Variants in TMEM117 observed in about 807,000 individuals in gnomAD.
TMEM117 encodes transmembrane protein 117.
A neutral mutation model predicts 52.4 loss-of-function variants in TMEM117; 27 were observed. That is an observed-to-expected ratio of 0.51 (90% CI 0.38 to 0.71). The LOEUF is 0.71. Among genes scored for constraint, TMEM117 ranks in the 30% least tolerant of loss-of-function variants. The pLI is 0.00. For synonymous variants in TMEM117, 215 were observed against 206.3 expected, an observed-to-expected ratio of 1.04 and a Z score of -0.36; for missense variants, 556 against 630.5, an observed-to-expected ratio of 0.88 and a Z score of 1.26.
At chr12:44,356,208 A>G (rs569190203) in intron 6 of TMEM117, among the ~76,000 whole-genome samples, 1 of 152,214 alleles carries the variant, frequency 6.6e-6, no homozygotes, top group South Asian at 2.1e-4. Context: ...GAAAAATCTG[A>G]TATGATAAGA....
intron 4 of TMEM117, among the ~76,000 whole-genome samples, chr12:44,207,460 C>T (rs1477191046): frequency 6.6e-6 from 1 of 152,064 alleles, no homozygotes; most frequent in Non-Finnish European, 1.5e-5. Flanking sequence ...TTTATGAAGC[C>T]CTCTTAGACG....
At chr12:44,144,497 G>A (rs995662144) in intron 4 of TMEM117, among the ~76,000 whole-genome samples, 2 of 152,212 alleles carry the variant, frequency 1.3e-5, no homozygotes, top group East Asian at 3.9e-4. Flanking sequence ...GCATGGACAT[G>A]TCCCTGCAGA....
At chr12:44,311,805 GTATA>G (rs1410938648) in intron 6 of TMEM117, among the ~76,000 whole-genome samples, 1 of 99,374 alleles carries the variant, frequency 1.0e-5, no homozygotes, top group Non-Finnish European at 1.9e-5. Flanking sequence ...ATGTATATAT[GTATA>G]TATGTATATA....
intron 3 of TMEM117, among the ~76,000 whole-genome samples, chr12:44,056,970 C>T (rs1328945440): frequency 6.6e-6 from 1 of 152,156 alleles, no homozygotes; most frequent in Non-Finnish European, 1.5e-5. Flanking sequence ...GAGCTCTGAT[C>T]ACAGCAAGTC....
At chr12:44,303,526 C>G (rs1950868539) in intron 6 of TMEM117, among the ~76,000 whole-genome samples, 1 of 152,038 alleles carries the variant, frequency 6.6e-6, no homozygotes, top group Non-Finnish European at 1.5e-5. Context: ...TGTTGTATCA[C>G]ATTTTTCTGT....
At chr12:43,993,414 A>T (rs944345425) in intron 3 of TMEM117, among the ~76,000 whole-genome samples, 4 of 152,214 alleles carry the variant, frequency 2.6e-5, no homozygotes, top group African/African-American at 9.6e-5. Flanking sequence ...CCTCAGCTCA[A>T]TTCAAGGGAT....
At chr12:44,272,305 A>G (rs547353837) in intron 5 of TMEM117, among the ~76,000 whole-genome samples, 13 of 152,250 alleles carry the variant, frequency 8.5e-5, no homozygotes, top group African/African-American at 2.9e-4. Flanking sequence ...ACTGAATTCT[A>G]TCAGACATTT....
intron 3 of TMEM117, among the ~76,000 whole-genome samples, chr12:44,088,259 G>T (rs758122340): frequency 6.6e-6 from 1 of 152,148 alleles, no homozygotes; most frequent in Non-Finnish European, 1.5e-5. Flanking sequence ...AATATTTTCA[G>T]AACAGCTTAA....
chr12:43,813,250 T>TTTTTTTTTTTA, the TMEM117 span, among the ~76,000 whole-genome samples: 1 of 138,980 alleles, frequency 7.2e-6, no homozygotes, highest in Non-Finnish European at 1.6e-5. Context: ...TTTTTTTTTT[T>TTTTTTTTTTTA]TTTTTTTTTC....
At chr12:44,387,905 G>A (rs1002545178) in intron 7 of TMEM117, 121 bp from the exon 8 acceptor site, 2 of 931,956 alleles carry the variant, frequency 2.1e-6, no homozygotes, top group Non-Finnish European at 3.1e-6. Context: ...AATATTAATT[G>A]TTAACCAGTC....
At chr12:44,304,908 T>C (rs1950886348) in intron 6 of TMEM117, among the ~76,000 whole-genome samples, 1 of 152,184 alleles carries the variant, frequency 6.6e-6, no homozygotes, top group Non-Finnish European at 1.5e-5. Flanking sequence ...CATGGCGAGA[T>C]ATTCCTTCTA....
At chr12:43,802,533 T>A in the TMEM117 span, 1 of 1,148,406 alleles carries the variant, frequency 8.7e-7, no homozygotes, top group Non-Finnish European at 1.3e-6. Flanking sequence ...TGATGAAGAC[T>A]AGAAAAATAA....
At chr12:44,088,467 T>C (rs1947609444) in intron 3 of TMEM117, among the ~76,000 whole-genome samples, 1 of 152,200 alleles carries the variant, frequency 6.6e-6, no homozygotes, top group Non-Finnish European at 1.5e-5. Flanking sequence ...ATTTTTCCAT[T>C]ATATTGTATT....
At chr12:44,102,813 G>A (rs757067670) in intron 3 of TMEM117, among the ~76,000 whole-genome samples, 51 of 152,070 alleles carry the variant, frequency 3.4e-4, no homozygotes, top group Admixed American at 7.9e-4. Flanking sequence ...GTTGTGGGAG[G>A]GACCCAGTGG....
At chr12:44,208,329 G>A (rs1949598159) in intron 4 of TMEM117, among the ~76,000 whole-genome samples, 1 of 152,108 alleles carries the variant, frequency 6.6e-6, no homozygotes, top group Admixed American at 6.6e-5. Flanking sequence ...AGAGAGGAAA[G>A]GGGAAGGGAA....
In TMEM117 at chr12:44,388,078, T is replaced by C. The variant is rs1401825883; in HGVS notation, c.951T>C (p.Asn317=). 10 of 1,612,476 alleles carry C rather than the reference T, an allele frequency of 6.2e-6. No individual in the cohort carries two copies. Among genetic ancestry groups the C allele is most frequent in the Non-Finnish European group, 8.5e-7 (1 of 1,179,284 alleles). Reference sequence around the variant, plus strand: ...TCCTCGTCTTGATTTTGGATCTTAATATGTGGAAGAACCAAATATTTTATA... The same window carrying C: ...TCCTCGTCTTGATTTTGGATCTTAACATGTGGAAGAACCAAATATTTTATA... The part of the protein sequence containing the change: ...IIFLVLILDL[N]MWKNQIFYKP... The change falls in exon 8 of 8, where the codon AAT becomes AAC. Residue 317 remains asparagine, a synonymous_variant. Coordinates refer to ENST00000266534, the MANE Select transcript of TMEM117 (RefSeq NM_032256.3).
chr12:44,194,729 G>A (rs1464479104), intron 4 of TMEM117, among the ~76,000 whole-genome samples: 1 of 152,142 alleles, frequency 6.6e-6, no homozygotes, highest in Admixed American at 6.5e-5. Flanking sequence ...TACTTGGGAG[G>A]CTGAGGCAGG....
chr12:44,326,186 T>A (rs951151026), intron 6 of TMEM117, among the ~76,000 whole-genome samples: 1 of 151,006 alleles, frequency 6.6e-6, no homozygotes, highest in Admixed American at 6.6e-5. Context: ...TTTTTGTTTT[T>A]GTTTTTTGTT....
intron 6 of TMEM117, among the ~76,000 whole-genome samples, chr12:44,309,704 C>T (rs75137023): frequency 0.048 from 7,249 of 150,278 alleles, 357 homozygotes; most frequent in African/African-American, 0.12. Flanking sequence ...TTATTTATAA[C>T]TTTACAAATG....
Sources: allele counts gnomAD v4.1 joint callset (sites outside exome capture counted in the v4.1 genomes callset), GRCh38; gene constraint gnomAD v4.1.1; transcripts MANE v1.5; gene names NCBI Gene and HGNC (gene_info 2026-07-23, HGNC 2026-07-21).